The following SERINC4 variants were observed in gnomAD, a reference collection of about 807,000 sequenced individuals.
SERINC4 encodes the protein serine incorporator 4.
SERINC4 carries 52 observed loss-of-function variants against 52.0 expected under a neutral mutation model. The observed-to-expected ratio is 1.00, with a 90% CI of 0.80 to 1.26. The LOEUF is 1.26. Ranked by LOEUF, SERINC4 falls within the 50% of genes most tolerant of loss-of-function variation. SERINC4 has a pLI of 0.00. For synonymous variants in SERINC4, 264 were observed against 247.7 expected (o/e 1.07, Z -0.62); for missense variants, 723 against 632.8 (o/e 1.14, Z -1.53).
In SERINC4 at chr15:43,794,375, T is replaced by A. The variant is rs899407933; in HGVS notation, c.*625A>T. The A allele has an allele frequency of 5.9e-6, 1 of 170,524 alleles. No homozygotes were observed. The highest frequency in any genetic ancestry group is 1.3e-5 in the Non-Finnish European group (1 of 79,640). 10.6% of individuals were successfully genotyped at this position (170,524 alleles called of 1,614,324 possible). ...CCTCTTTTCCTCATTCTTCCTCAGT[T>A]TGTTCGTCTGCTTGAAAGTTGGCCA... On this transcript the variant is annotated 3_prime_UTR_variant, in exon 12 of 12. Transcript: ENST00000319327.
intron 9 of SERINC4, 67 bp from the exon 10 acceptor site, chr15:43,795,803 C>G (rs1274979494): frequency 1.3e-6 from 2 of 1,534,648 alleles, no homozygotes; most frequent in Non-Finnish European, 1.8e-6. Context: ...TAGGAAACTT[C>G]CCCCGTGAAA....
chr15:43,798,560 A>G (rs945393649), intron 3 of SERINC4, 56 bp from the exon 4 acceptor site: 9 of 1,334,694 alleles, frequency 6.7e-6, no homozygotes, highest in Admixed American at 3.4e-5. Flanking sequence ...AGGACAGTGA[A>G]GAGTGCCTAT....
Position 43,797,254 on chromosome 15 carries a change from G to A in SERINC4, c.735C>T (p.His245=). 3 of 1,550,526 alleles carry A rather than the reference G, an allele frequency of 1.9e-6. No homozygotes were observed. Among genetic ancestry groups the A allele is most frequent in the East Asian group, 2.4e-5 (1 of 40,920 alleles). ...GGCAGCCAGCTGGGTGTGTATAATA[G>A]TGGAATAGGAGCACAGCTCCCACAC... ...MAGVGAVLLF[H]YYTHPAGCLL... is the part of the protein sequence containing the mutation. The change falls in exon 6 of 12, where the codon CAC becomes CAT. Residue 245 remains histidine (H), a synonymous_variant. Coordinates refer to ENST00000319327, the MANE Select transcript of SERINC4 (RefSeq NM_001258031.2).
In SERINC4 at chr15:43,800,015, A is replaced by AC. The variant is rs2087288824; in HGVS notation, c.-30dup. ...TGTCCCAGGGATTAGGCTTAGGTCC[A>AC]CCAGATGGAAGGCAGATGAGAGCAG... On this transcript the variant is annotated 5_prime_UTR_variant, in exon 1 of 12. Coordinates refer to ENST00000319327, the MANE Select transcript of SERINC4 (RefSeq NM_001258031.2). 6.8e-7 allele frequency: 1 copy of AC among 1,461,002 alleles called. No homozygotes were observed. The highest frequency in any genetic ancestry group is 1.4e-5 in the African/African-American group (1 of 70,476). 90.5% of individuals were successfully genotyped at this position (1,461,002 alleles called of 1,614,324 possible).
rs955401326 is a variant in SERINC4 at position 43,799,549 on chromosome 15, T to C, written c.103-63A>G. The C allele has an allele frequency of 1.4e-5, 22 of 1,531,748 alleles. No homozygotes were observed. The African/African-American group carries it at 2.3e-4, about 16-fold the overall frequency. 94.9% of individuals were successfully genotyped at this position (1,531,748 alleles called of 1,614,324 possible). On this transcript the variant is annotated intron_variant, in intron 1 of 11. Coordinates refer to ENST00000319327, the MANE Select transcript of SERINC4 (RefSeq NM_001258031.2). Reference sequence around the variant, plus strand: ...CTTGCTGAGGAAAGGCATACGTTAATGTATGTGTGAGGTTAACCCAGGAGG... The same window carrying C: ...CTTGCTGAGGAAAGGCATACGTTAACGTATGTGTGAGGTTAACCCAGGAGG...
chr15:43,795,849 G>A, intron 9 of SERINC4, 113 bp from the exon 10 acceptor site: 1 of 1,081,150 alleles, frequency 9.2e-7, no homozygotes, highest in Non-Finnish European at 1.3e-6. Context: ...AGGCACACCT[G>A]GGTTCAAATT....
intron 11 of SERINC4, 44 bp downstream of exon 11, chr15:43,795,344 T>C (rs2087184164): frequency 1.2e-6 from 2 of 1,609,600 alleles, no homozygotes; most frequent in Non-Finnish European, 1.7e-6. Flanking sequence ...TTCCTTAAAA[T>C]AGCTAGCTCT....
chr15:43,796,461 G>A, intron 8 of SERINC4, 155 bp downstream of exon 8: 3 of 840,730 alleles, frequency 3.6e-6, no homozygotes, highest in Non-Finnish European at 3.8e-6. Context: ...ATCTGACAAA[G>A]TACTATTCTT....
At chr15:43,797,119 T>C in intron 6 of SERINC4, 26 bp downstream of exon 6, 1 of 1,546,722 alleles carries the variant, frequency 6.5e-7, no homozygotes, top group East Asian at 2.4e-5. Flanking sequence ...CCCCAAAACC[T>C]GGAATGCTGT....
At chr15:43,799,784 AC>A in intron 1 of SERINC4, 100 bp downstream of exon 1, 1 of 993,034 alleles carries the variant, frequency 1.0e-6, no homozygotes, top group Non-Finnish European at 1.6e-6. Flanking sequence ...GGGGCAACGA[AC>A]CAGAACGACA....
Position 43,800,101 on chromosome 15 carries a change from C to T in SERINC4, c.-115G>A, listed in dbSNP as rs762015027. On this transcript the variant is annotated 5_prime_UTR_variant, in exon 1 of 12. Transcript: ENST00000319327. ...TGTGTTGGGGCTGAGCACCCGGTCC[C>T]GGGCAGAATGGAGACGTCCGGAAGA... 1.5e-4 allele frequency: 111 copies of T among 764,206 alleles called. No homozygotes were observed. Among genetic ancestry groups the T allele is most frequent in the South Asian group, 1.7e-4 (9 of 53,308 alleles). The allele number at this position is 764,206 out of a possible 1,614,324, so 47.3% of individuals were successfully genotyped here. A position where few individuals can be genotyped will look rare whatever the true frequency, so the allele number is the denominator to read the frequency against.
chr15:43,798,461 T>C lies in SERINC4; in HGVS notation c.502A>G (p.Ile168Val). 6.2e-7 allele frequency: 1 copy of C among 1,613,724 alleles called. No individual in the cohort carries two copies. The highest frequency in any genetic ancestry group is 8.5e-7 in the Non-Finnish European group (1 of 1,179,810). ...TGCTCATCAGGAATGCAGAAGGCAA[T>C]AGCACAGAGACCTAACAGGAACAGC... ...KLLFLLGLCAIAFCIPDEHLF... is the reference protein window; with the variant it reads ...KLLFLLGLCAVAFCIPDEHLF... The change falls in exon 4 of 12, where the codon ATT (isoleucine) becomes GTT (valine). Residue 168 changes from isoleucine (I) to valine (V), a missense_variant. By Grantham distance (29) the Ile-to-Val change is conservative. Transcript: ENST00000319327.
chr15:43,799,204 G>C, intron 2 of SERINC4, 67 bp from the exon 3 acceptor site: 1 of 1,505,558 alleles, frequency 6.6e-7, no homozygotes, highest in Non-Finnish European at 9.0e-7. Flanking sequence ...TACTTGTCAC[G>C]GGTATGACCA....
intron 9 of SERINC4, 172 bp downstream of exon 9, chr15:43,795,983 T>A: frequency 1.5e-6 from 1 of 652,944 alleles, no homozygotes; most frequent in Non-Finnish European, 2.7e-6. Flanking sequence ...AGGGTTAAAT[T>A]AAATGAGATT....
chr15:43,797,053 C>G, intron 6 of SERINC4, 92 bp downstream of exon 6: 1 of 1,457,940 alleles, frequency 6.9e-7, no homozygotes, highest in Non-Finnish European at 9.5e-7. Flanking sequence ...AGCAGAGATT[C>G]TTTTATCAAA....
Position 43,800,084 on chromosome 15 carries a change from G to A in SERINC4, c.-98C>T. On this transcript the variant is annotated 5_prime_UTR_variant, in exon 1 of 12. Transcript: ENST00000319327. ...GCCCATTGGACTGCCACTGTGTTGGGGCTGAGCACCCGGTCCCGGGCAGAA... is the reference window on the plus strand; with the variant it reads ...GCCCATTGGACTGCCACTGTGTTGGAGCTGAGCACCCGGTCCCGGGCAGAA... The A allele has an allele frequency of 1.1e-6, 1 of 922,018 alleles. No homozygotes were observed. The highest frequency in any genetic ancestry group is 1.7e-5 in the South Asian group (1 of 57,234). The allele number at this position is 922,018 out of a possible 1,614,324, so 57.1% of individuals were successfully genotyped here. A position where few individuals can be genotyped will look rare whatever the true frequency, so the allele number is the denominator to read the frequency against.
At chr15:43,797,821 G>T in intron 5 of SERINC4, 99 bp downstream of exon 5, 1 of 800,600 alleles carries the variant, frequency 1.2e-6, no homozygotes, top group Non-Finnish European at 2.1e-6. Flanking sequence ...GTGGGAAGCT[G>T]TGGGACCAGT....
intron 4 of SERINC4, 40 bp from the exon 5 acceptor site, chr15:43,798,053 C>CT (rs751738258): frequency 0.094 from 108,322 of 1,147,818 alleles, 3 homozygotes; most frequent in Non-Finnish European, 0.1. Context: ...CAAATTGTTA[C>CT]TTTTTTTTTT....
rs375681174 is a variant in SERINC4 at position 43,795,039 on chromosome 15, G to A, written c.1518C>T (p.His506=). The A allele has an allele frequency of 5.2e-5, 84 of 1,612,462 alleles. No individual in the cohort carries two copies. The highest frequency in any genetic ancestry group is 6.9e-5 in the Non-Finnish European group (82 of 1,179,948). ...ATTTGTTATCTGGGGATATGATGCG[G>A]TGGCGGCGGCGCCTCAAGATAAGGG... ...PQPLILRRRR[H]RIISPDNKYP... The change falls in exon 12 of 12, where the codon CAC becomes CAT. Residue 506 remains histidine (H), a synonymous_variant. Transcript: ENST00000319327.
Sources: gnomAD v4.1 joint callset for allele counts on GRCh38, gnomAD v4.1.1 for gene constraint, MANE v1.5 for transcripts, NCBI Gene and HGNC (gene_info 2026-07-23, HGNC 2026-07-21) for gene names.